WWOX: variants seen among roughly 807,000 people sequenced by gnomAD.
The protein encoded by WWOX is WW domain containing oxidoreductase, also known as WW domain-containing oxidoreductase.
Under a neutral mutation model 46.2 loss-of-function variants are expected in WWOX, and 69 were observed. The observed-to-expected ratio is 1.49, with a 90% CI of 1.23 to 1.82. The LOEUF is 1.82. Among genes scored for constraint, WWOX ranks in the 40% most tolerant of loss-of-function variants. WWOX has a pLI of 0.00. For synonymous variants in WWOX, 359 were observed against 202.6 expected, an observed-to-expected ratio of 1.77 and a Z score of -6.56; for missense variants, 919 against 542.6, an observed-to-expected ratio of 1.69 and a Z score of -6.89.
intron 8 of WWOX, among the ~76,000 whole-genome samples, chr16:78,457,754 A>C (rs992399547): frequency 2.0e-5 from 3 of 151,838 alleles, no homozygotes; most frequent in Non-Finnish European, 4.4e-5. Flanking sequence ...TCTCTACTAA[A>C]AATACAAAAA....
chr16:78,950,529 C>T (rs1239731761), intron 8 of WWOX, among the ~76,000 whole-genome samples: 1 of 83,642 alleles, frequency 1.2e-5, no homozygotes, highest in African/African-American at 4.3e-5. Context: ...CACACACACA[C>T]ACATACACAC....
chr16:79,108,746 A>G (rs889710349), intron 8 of WWOX, among the ~76,000 whole-genome samples: 2 of 151,936 alleles, frequency 1.3e-5, no homozygotes, highest in Admixed American at 1.3e-4. Context: ...TACAAAAAAT[A>G]AAAAATTAGT....
chr16:78,587,216 T>TTTTTTTTTTTTTTG (rs2045230607), intron 8 of WWOX, among the ~76,000 whole-genome samples: 1 of 134,988 alleles, frequency 7.4e-6, no homozygotes, highest in African/African-American at 3.0e-5. Context: ...TTTTTTTTTT[T>TTTTTTTTTTTTTTG]GTAGAAACAG....
rs186382583 is a variant in WWOX, at chr16:79,068,283, G to T, written c.1057-143325G>T. ...CTGTGTCAAGCACTTCCCATAACTA[G>T]CTCATGTAAAGCCTGTAACCATCTT... On this transcript the variant is annotated intron_variant, in intron 8 of 8. Transcript: ENST00000566780. 2.6e-3 allele frequency among the ~76,000 whole-genome samples: 398 copies of T among 152,276 alleles called. 2 individuals carry two copies. Among genetic ancestry groups the T allele is most frequent in the African/African-American group, 9.4e-3 (390 of 41,558 alleles).
chr16:78,894,441 A>G (rs574829199), intron 8 of WWOX, among the ~76,000 whole-genome samples: 4 of 152,236 alleles, frequency 2.6e-5, no homozygotes, highest in African/African-American at 7.2e-5. Flanking sequence ...GTCCTAGACT[A>G]TTTTTTGTCT....
At position 78,706,584 on chromosome 16, in the gene WWOX, C is replaced by T. The variant is rs748584652; in HGVS notation, c.1056+273832C>T. 2.0e-5 allele frequency among the ~76,000 whole-genome samples: 3 copies of T among 152,202 alleles called. 1 individual carries two copies. The highest frequency in any genetic ancestry group is 4.1e-4 in the South Asian group (2 of 4,832). On this transcript the variant is annotated intron_variant, in intron 8 of 8. Transcript: ENST00000566780. The stretch of plus-strand genomic sequence containing the variant: ...ACAAGAGAGCTCAGCACACTTGGTG[C>T]AGTCTCTCTGGCTTGGTAATTGGTC...
At position 78,781,440 on chromosome 16, in the gene WWOX, A is replaced by G. The variant is rs796386450; in HGVS notation, c.1056+348688A>G. 2.0e-5 allele frequency among the ~76,000 whole-genome samples: 3 copies of G among 152,194 alleles called. No homozygotes were observed. In the East Asian group the frequency reaches 5.8e-4, roughly 29 times the overall value. ...TAGCCCACCCTCTACCATCCTCACC[A>G]GGAAGGAGGCTGCATTCATTTCAAG... On this transcript the variant is annotated intron_variant, in intron 8 of 8. Coordinates refer to ENST00000566780, the MANE Select transcript of WWOX (RefSeq NM_016373.4).
chr16:78,869,290 T>G (rs1279046009), intron 8 of WWOX, among the ~76,000 whole-genome samples: 4 of 152,092 alleles, frequency 2.6e-5, no homozygotes, highest in Non-Finnish European at 5.9e-5. Flanking sequence ...TAGAAGGGGA[T>G]CAAGGAAAGT....
intron 5 of WWOX, among the ~76,000 whole-genome samples, chr16:78,202,144 G>A (rs985930890): frequency 6.6e-6 from 1 of 152,124 alleles, no homozygotes; most frequent in Non-Finnish European, 1.5e-5. Flanking sequence ...TTTTGACATG[G>A]CTCCTGTACT....
intron 5 of WWOX, among the ~76,000 whole-genome samples, chr16:78,211,667 A>G (rs926217660): frequency 2.0e-5 from 3 of 152,194 alleles, no homozygotes; most frequent in African/African-American, 7.2e-5. Flanking sequence ...CTCTGTTACC[A>G]ACACCGTAGA....
At chr16:78,802,195 T>G (rs571392639) in intron 8 of WWOX, among the ~76,000 whole-genome samples, 35 of 146,666 alleles carry the variant, frequency 2.4e-4, no homozygotes, top group Admixed American at 1.9e-3. Flanking sequence ...ATATTTTGTT[T>G]GTTTAGGTTT....
chr16:78,433,614 A>G (rs973490055), intron 8 of WWOX, among the ~76,000 whole-genome samples: 3 of 152,070 alleles, frequency 2.0e-5, no homozygotes, highest in Non-Finnish European at 2.9e-5. Context: ...AGGCCTTCAC[A>G]GTTGGACCTA....
At chr16:78,541,040 A>T (rs551762855) in intron 8 of WWOX, among the ~76,000 whole-genome samples, 1 of 152,260 alleles carries the variant, frequency 6.6e-6, no homozygotes, top group Admixed American at 6.5e-5. Context: ...GCGTGGGTAG[A>T]TACAATTAAT....
intron 8 of WWOX, among the ~76,000 whole-genome samples, chr16:79,076,284 A>C (rs1567533334): frequency 6.6e-6 from 1 of 152,194 alleles, no homozygotes; most frequent in Non-Finnish European, 1.5e-5. Flanking sequence ...TAAAAGAATC[A>C]CTTTTTCCTA....
intron 8 of WWOX, among the ~76,000 whole-genome samples, chr16:78,837,374 G>C (rs1162971922): frequency 6.6e-6 from 1 of 152,140 alleles, no homozygotes; most frequent in African/African-American, 2.4e-5. Context: ...TTTTTCCTCT[G>C]TGTTTTGTGT....
At chr16:78,192,491 CAAAAAA>C (rs56109773) in intron 5 of WWOX, among the ~76,000 whole-genome samples, 2 of 87,520 alleles carry the variant, frequency 2.3e-5, no homozygotes, top group Non-Finnish European at 4.3e-5. Context: ...GACTCCGTCT[CAAAAAA>C]AAAAAAAAAA....
rs556170105 is a variant in WWOX at position 78,646,205 on chromosome 16, G to A, written c.1056+213453G>A. On this transcript the variant is annotated intron_variant, in intron 8 of 8. Coordinates refer to ENST00000566780, the MANE Select transcript of WWOX (RefSeq NM_016373.4). ...GATTTTGATTTGGTTGTTTTTGGTA[G>A]AGATGATATCTTGCTCTATTGCCAG... is the stretch of plus-strand genomic sequence containing the variant. Among the ~76,000 whole-genome samples, 7 of 152,236 alleles carry A rather than the reference G, an allele frequency of 4.6e-5. No homozygotes were observed. In the South Asian group the frequency reaches 1.5e-3, roughly 32 times the overall value.
chr16:79,185,162 A>G (rs1447341821), intron 8 of WWOX, among the ~76,000 whole-genome samples: 1 of 152,206 alleles, frequency 6.6e-6, no homozygotes, highest in Non-Finnish European at 1.5e-5. Flanking sequence ...TCTGTGAAAT[A>G]TAGGGAAAAG....
At chr16:79,170,632 A>G (rs184789541) in intron 8 of WWOX, among the ~76,000 whole-genome samples, 2 of 151,848 alleles carry the variant, frequency 1.3e-5, no homozygotes, top group Admixed American at 1.3e-4. Context: ...ACACAAATTA[A>G]AAAATGGAAC....
Sources: gnomAD v4.1 joint callset for allele counts (sites outside exome capture counted in the v4.1 genomes callset) on GRCh38, gnomAD v4.1.1 for gene constraint, MANE v1.5 for transcripts, NCBI Gene and HGNC (gene_info 2026-07-23, HGNC 2026-07-21) for gene names.